Variants in CIPC observed in about 807,000 individuals in gnomAD.
The protein encoded by CIPC is CLOCK interacting pacemaker.
In CIPC, 12 loss-of-function variants were observed where a neutral mutation model predicts 26.7. The ratio of observed to expected loss-of-function variants is 0.45; its 90% CI spans 0.29 to 0.73. The LOEUF (loss-of-function observed/expected upper bound fraction) is 0.73. Ranked by LOEUF, CIPC falls within the 30% of genes least tolerant of loss-of-function variation. The probability of loss-of-function intolerance (pLI) is 0.12; values close to 1 mark genes in which losing one functional copy is unlikely to be tolerated. For missense variants in CIPC, 417 were observed against 486.5 expected, an observed-to-expected ratio of 0.86 and a Z score of 1.34; for synonymous variants, 170 against 189.8, an observed-to-expected ratio of 0.90 and a Z score of 0.86.
chr14:77,106,493 G>A (rs754080124), intron 2 of CIPC, among the ~76,000 whole-genome samples: 12 of 152,206 alleles, frequency 7.9e-5, no homozygotes, highest in South Asian at 2.1e-4. Context: ...ATTCAATTTT[G>A]TGCTGGGGCT....
intron 2 of CIPC, among the ~76,000 whole-genome samples, chr14:77,108,210 A>G (rs1038078718): frequency 1.3e-5 from 2 of 152,224 alleles, no homozygotes; most frequent in African/African-American, 4.8e-5. Flanking sequence ...TGGTTGGTTG[A>G]TCACTTGGCT....
Position 77,114,289 on chromosome 14 carries a change from G to A in CIPC, c.1171G>A (p.Glu391Lys). 1 of 1,611,738 alleles carries A rather than the reference G, an allele frequency of 6.2e-7. No homozygotes were observed. Among genetic ancestry groups the A allele is most frequent in the Non-Finnish European group, 8.5e-7 (1 of 1,179,226 alleles). The change falls in exon 4 of 4, where the codon GAA (glutamate) becomes AAA (lysine). Residue 391 changes from glutamate to lysine, a missense_variant. Transcript: ENST00000361786. ...GTCCAGTAATACAGGCAGTGACCTA[G>A]AAGCATTCTCTGATCACCCAGCCAT... ...PGSSNTGSDL[E>K]AFSDHPAI
intron 1 of CIPC, among the ~76,000 whole-genome samples, chr14:77,103,512 T>C (rs747928143): frequency 9.9e-5 from 15 of 152,250 alleles, no homozygotes; most frequent in Admixed American, 3.3e-4. Flanking sequence ...TCATGTTCCC[T>C]GTTGGCCTGT....
Position 77,113,905 on chromosome 14 carries a change from G to T in CIPC, c.787G>T (p.Ala263Ser), listed in dbSNP as rs201665496. The change falls in exon 4 of 4, where the codon GCC becomes TCC. Residue 263 changes from alanine (A) to serine (S), a missense_variant. By Grantham distance (99) the Ala-to-Ser change is moderately conservative. Coordinates refer to ENST00000361786, the MANE Select transcript of CIPC (RefSeq NM_033426.3). ...KAPSLTFASP[A>S]SPVCASDSTL... ...TCCCAGTCTGACCTTCGCTTCCCCC[G>T]CCAGTCCTGTCTGCGCATCAGACAG... 6.2e-7 allele frequency: 1 copy of T among 1,614,088 alleles called. No individual in the cohort carries two copies. The highest frequency in any genetic ancestry group is 1.3e-5 in the African/African-American group (1 of 75,014).
At chr14:77,109,002 C>G (rs1267661236) in intron 2 of CIPC, among the ~76,000 whole-genome samples, 2 of 152,148 alleles carry the variant, frequency 1.3e-5, no homozygotes, top group African/African-American at 4.8e-5. Flanking sequence ...CGTATCTTCC[C>G]TGTCAAAGTC....
In CIPC at chr14:77,098,338, G is replaced by T. The variant is rs868319083; in HGVS notation, c.-76G>T. 10 of 152,858 alleles carry T rather than the reference G, an allele frequency of 6.5e-5. No individual in the cohort carries two copies. In the South Asian group the frequency reaches 2.1e-3, roughly 32 times the overall value. The allele number at this position is 152,858 out of a possible 1,614,324, so 9.5% of individuals were successfully genotyped here. A position where few individuals can be genotyped will look rare whatever the true frequency, so the allele number is the denominator to read the frequency against. Reference sequence around the variant, plus strand: ...GCGCCACCTGACCCACAGGCCGGTCGTGGAGCTGCGACCCCGGCCCTAGGT... The same window carrying T: ...GCGCCACCTGACCCACAGGCCGGTCTTGGAGCTGCGACCCCGGCCCTAGGT... On this transcript the variant is annotated 5_prime_UTR_variant, in exon 1 of 4. Coordinates refer to ENST00000361786, the MANE Select transcript of CIPC (RefSeq NM_033426.3).
intron 2 of CIPC, among the ~76,000 whole-genome samples, chr14:77,109,507 C>T (rs965419213): frequency 6.6e-6 from 1 of 152,152 alleles, no homozygotes; most frequent in South Asian, 2.1e-4. Context: ...ACTCATTTCT[C>T]CTGTAGACTG....
chr14:77,114,579 A>G lies in CIPC; in HGVS notation c.*261A>G, dbSNP rs139827906. 4.1e-3 allele frequency: 1,685 copies of G among 415,082 alleles called. 5 individuals carry two copies. The highest frequency in any genetic ancestry group is 5.4e-3 in the Non-Finnish European group (1,241 of 229,336). 25.7% of individuals were successfully genotyped at this position (415,082 alleles called of 1,614,324 possible). A position where few individuals can be genotyped will look rare whatever the true frequency, so the allele number is the denominator to read the frequency against. ...TTTTCCTTAGCCTGCAGGTGCTTCA[A>G]TGGATCATGGGGCAAAGCAGGAGAT... On this transcript the variant is annotated 3_prime_UTR_variant, in exon 4 of 4. Transcript: ENST00000361786.
At chr14:77,111,663 G>A (rs1430566203) in intron 3 of CIPC, among the ~76,000 whole-genome samples, 3 of 152,092 alleles carry the variant, frequency 2.0e-5, no homozygotes, top group Non-Finnish European at 2.9e-5. Context: ...CTAAAATTTT[G>A]TTCTGTATTC....
rs1886779799 is a variant in CIPC at position 77,114,854 on chromosome 14, C to T, written c.*536C>T. The T allele has an allele frequency of 6.5e-6, 1 of 154,634 alleles. No individual in the cohort carries two copies. The allele number at this position is 154,634 out of a possible 1,614,324, so 9.6% of individuals were successfully genotyped here. A position where few individuals can be genotyped will look rare whatever the true frequency, so the allele number is the denominator to read the frequency against. On this transcript the variant is annotated 3_prime_UTR_variant, in exon 4 of 4. Transcript: ENST00000361786. ...TAAAATTCCCTGGGCACAGGTTGCA[C>T]CTGGGTGTGAGCACTTAATCACTCA...
In CIPC at chr14:77,109,963, G is replaced by A; in HGVS notation, c.288G>A (p.Lys96=). ...CCCTGTCTCCCATGGTCGTCATGAAGAATGTGCTTGTCAAACAGGTGAGGA... is the reference window on the plus strand; with the variant it reads ...CCCTGTCTCCCATGGTCGTCATGAAAAATGTGCTTGTCAAACAGGTGAGGA... ...FPTLSPMVVM[K]NVLVKQGSSS... Residue 96 remains lysine, a synonymous_variant, in exon 3 of 4, where the codon AAG becomes AAA. Coordinates refer to ENST00000361786, the MANE Select transcript of CIPC (RefSeq NM_033426.3). 6.2e-7 allele frequency: 1 copy of A among 1,614,118 alleles called. No homozygotes were observed. The highest frequency in any genetic ancestry group is 8.5e-7 in the Non-Finnish European group (1 of 1,180,004).
At chr14:77,104,937 A>G (rs1197530666) in intron 1 of CIPC, among the ~76,000 whole-genome samples, 1 of 152,220 alleles carries the variant, frequency 6.6e-6, no homozygotes, top group Non-Finnish European at 1.5e-5. Context: ...AACTTATCTG[A>G]GCCTCAGTTT....
At position 77,114,092 on chromosome 14, in the gene CIPC, A is replaced by G. The variant is rs368727175; in HGVS notation, c.974A>G (p.His325Arg). Residue 325 changes from histidine to arginine, a missense_variant, in exon 4 of 4, where the codon CAT (histidine) becomes CGT (arginine). Transcript: ENST00000361786. ...RRFQNTLVVL[H>R]KSGLLEITLK... is the part of the protein sequence containing the mutation. Reference sequence around the variant, plus strand: ...TTTCAGAATACCCTAGTAGTCCTACATAAATCTGGTTTGCTGGAGATCACT... The same window carrying G: ...TTTCAGAATACCCTAGTAGTCCTACGTAAATCTGGTTTGCTGGAGATCACT... The G allele has an allele frequency of 6.2e-7, 1 of 1,614,152 alleles. No homozygotes were observed. Among genetic ancestry groups the G allele is most frequent in the East Asian group, 2.2e-5 (1 of 44,892 alleles).
At chr14:77,107,654 A>ACT (rs557698167) in intron 2 of CIPC, among the ~76,000 whole-genome samples, 38 of 132,824 alleles carry the variant, frequency 2.9e-4, no homozygotes, top group African/African-American at 5.6e-4. Flanking sequence ...ACACACACAC[A>ACT]CACACTCTCT....
At position 77,115,885 on chromosome 14, in the gene CIPC, C is replaced by G. The variant is rs761053356; in HGVS notation, c.*1567C>G. On this transcript the variant is annotated 3_prime_UTR_variant, in exon 4 of 4. Transcript: ENST00000361786. Reference sequence around the variant, plus strand: ...ATTTTTAGTAGAAATGGGGTTTTACCGTGTTGGCCAGGCTGGTCTCGAACT... The same window carrying G: ...ATTTTTAGTAGAAATGGGGTTTTACGGTGTTGGCCAGGCTGGTCTCGAACT... 6.6e-6 allele frequency: 1 copy of G among 152,036 alleles called. No homozygotes were observed. Among genetic ancestry groups the G allele is most frequent in the Admixed American group, 6.6e-5 (1 of 15,262 alleles). The allele number at this position is 152,036 out of a possible 1,614,324, so 9.4% of individuals were successfully genotyped here.
intron 1 of CIPC, among the ~76,000 whole-genome samples, chr14:77,104,149 C>T (rs1886545804): frequency 6.6e-6 from 1 of 152,188 alleles, no homozygotes; most frequent in Non-Finnish European, 1.5e-5. Context: ...GGCCCAGAGC[C>T]AAGCCCGTGG....
chr14:77,116,623 C>G lies in CIPC; in HGVS notation c.*2305C>G, dbSNP rs994025295. ...CTCACTGCTGAGTGGCAGGGAGAAG[C>G]AGCACCACTCTCAGCTCTTTTCTAA... On this transcript the variant is annotated 3_prime_UTR_variant, in exon 4 of 4. Coordinates refer to ENST00000361786, the MANE Select transcript of CIPC (RefSeq NM_033426.3). 1 of 152,196 alleles carries G rather than the reference C, an allele frequency of 6.6e-6. No homozygotes were observed. Among genetic ancestry groups the G allele is most frequent in the Non-Finnish European group, 1.5e-5 (1 of 68,036 alleles). 9.4% of individuals were successfully genotyped at this position (152,196 alleles called of 1,614,324 possible).
chr14:77,111,402 T>C (rs1329216959), intron 3 of CIPC, among the ~76,000 whole-genome samples: 1 of 152,242 alleles, frequency 6.6e-6, no homozygotes, highest in East Asian at 1.9e-4. Flanking sequence ...GAGTTTTGTT[T>C]CGTTTTTTAA....
chr14:77,117,108 C>CTATG lies in CIPC; in HGVS notation c.*2791_*2794dup, dbSNP rs1886826875. On this transcript the variant is annotated 3_prime_UTR_variant, in exon 4 of 4. Transcript: ENST00000361786. The stretch of plus-strand genomic sequence containing the variant: ...GTATTGTCTGACTTTTTATTTTCTA[C>CTATG]TATGGTTCCTTTAGCAGAAAAGTAA... 1 of 152,564 alleles carries CTATG rather than the reference C, an allele frequency of 6.6e-6. No individual in the cohort carries two copies. 9.5% of individuals were successfully genotyped at this position (152,564 alleles called of 1,614,324 possible). A position where few individuals can be genotyped will look rare whatever the true frequency, so the allele number is the denominator to read the frequency against.
Sources: allele counts gnomAD v4.1 joint callset (sites outside exome capture counted in the v4.1 genomes callset), GRCh38; gene constraint gnomAD v4.1.1; transcripts MANE v1.5; gene names NCBI Gene and HGNC (gene_info 2026-07-23, HGNC 2026-07-21).